ZNF827: variants seen among roughly 807,000 people sequenced by gnomAD.
The protein encoded by ZNF827 is zinc finger protein 827.
In ZNF827, 13 loss-of-function variants were observed where a neutral mutation model predicts 102.4. The observed-to-expected ratio is 0.13, with a 90% confidence interval of 0.08 to 0.20. ZNF827 has a LOEUF of 0.20. ZNF827 is among the 10% of genes least tolerant of loss of function. The pLI, the probability that ZNF827 is intolerant of heterozygous loss-of-function variation, is 1.00. For missense variants in ZNF827, 1,103 were observed against 1,344.4 expected (o/e 0.82, Z 2.81); for synonymous variants, 523 against 536.2 (o/e 0.98, Z 0.34).
chr4:145,875,778 C>T (rs1283491043), intron 4 of ZNF827, among the ~76,000 whole-genome samples: 1 of 152,142 alleles, frequency 6.6e-6, no homozygotes, highest in Non-Finnish European at 1.5e-5. Context: ...TCACCCTAAA[C>T]CAAGGCCAAA....
intron 1 of ZNF827, among the ~76,000 whole-genome samples, chr4:145,918,698 C>T (rs1361348290): frequency 6.6e-6 from 1 of 152,138 alleles, no homozygotes; most frequent in African/African-American, 2.4e-5. Context: ...CAAGGTTGGG[C>T]TCTATGGACC....
intron 5 of ZNF827, among the ~76,000 whole-genome samples, chr4:145,858,176 C>T (rs1747355453): frequency 6.7e-6 from 1 of 149,342 alleles, no homozygotes. Flanking sequence ...TGTGTGTGCA[C>T]ATGTGGCTTC....
At chr4:145,779,222 C>T in intron 9 of ZNF827, 152 bp downstream of exon 9, 2 of 1,042,176 alleles carry the variant, frequency 1.9e-6, no homozygotes, top group Non-Finnish European at 1.3e-6. Flanking sequence ...TTTCCAAGGT[C>T]TTCTTTAAAC....
chr4:145,880,755 G>T (rs139062953), intron 4 of ZNF827, among the ~76,000 whole-genome samples: 4 of 152,112 alleles, frequency 2.6e-5, no homozygotes, highest in East Asian at 1.9e-4. Context: ...GCAAGGCAGG[G>T]TTAAAAGGAA....
intron 7 of ZNF827, among the ~76,000 whole-genome samples, chr4:145,844,656 G>A (rs1055371843): frequency 6.1e-5 from 9 of 148,078 alleles, no homozygotes; most frequent in African/African-American, 2.2e-4. Context: ...CTCCAGCCTG[G>A]GAAACAGAGT....
intron 8 of ZNF827, among the ~76,000 whole-genome samples, chr4:145,781,171 G>A (rs1268886981): frequency 2.7e-5 from 3 of 113,094 alleles, no homozygotes; most frequent in African/African-American, 3.5e-5. Flanking sequence ...ACTCCAGCCC[G>A]GGCAACAGAA....
intron 1 of ZNF827, among the ~76,000 whole-genome samples, chr4:145,919,099 G>C (rs914407537): frequency 6.6e-5 from 10 of 151,970 alleles, no homozygotes; most frequent in African/African-American, 2.4e-4. Flanking sequence ...TCTACAAAAA[G>C]TTTAAAAATT....
intron 5 of ZNF827, among the ~76,000 whole-genome samples, chr4:145,863,326 G>A (rs1747899246): frequency 1.3e-5 from 2 of 152,196 alleles, no homozygotes; most frequent in Non-Finnish European, 2.9e-5. Flanking sequence ...AGCTACTTTG[G>A]AAAACCACTT....
At chr4:145,767,467 A>C (rs1379115461) in intron 11 of ZNF827, among the ~76,000 whole-genome samples, 1 of 152,126 alleles carries the variant, frequency 6.6e-6, no homozygotes. Context: ...AATGGCCAAA[A>C]ATTTTCCAAA....
intron 2 of ZNF827, among the ~76,000 whole-genome samples, chr4:145,897,515 T>C (rs1240049251): frequency 6.6e-6 from 1 of 152,198 alleles, no homozygotes; most frequent in Non-Finnish European, 1.5e-5. Context: ...CCGGTACACA[T>C]CTGTGTAGGA....
At chr4:145,856,716 CA>C (rs1170979817) in intron 5 of ZNF827, among the ~76,000 whole-genome samples, 8 of 133,982 alleles carry the variant, frequency 6.0e-5, no homozygotes, top group African/African-American at 1.1e-4. Context: ...CACACACACA[CA>C]CACACACCCC....
In ZNF827 at chr4:145,856,715, ACACACACACC is replaced by A. The variant is rs1410751648; in HGVS notation, c.1982-7164_1982-7155del. On this transcript the variant is annotated intron_variant, in intron 5 of 14. Coordinates refer to ENST00000508784, the MANE Select transcript of ZNF827 (RefSeq NM_001306215.2). ...CACACACACACACACACACACACAC[ACACACACACC>A]CCATTTCACTCAGAATAGTGCAGGG... Among the ~76,000 whole-genome samples the A allele has an allele frequency of 2.4e-5, 3 of 122,468 alleles. No homozygotes were observed. The East Asian group carries it at 1.4e-3, about 59-fold the overall frequency. 80.3% of individuals were successfully genotyped at this position (122,468 alleles called of 152,430 possible). A position where few individuals can be genotyped will look rare whatever the true frequency, so the allele number is the denominator to read the frequency against.
chr4:145,821,770 A>G (rs1280121403), intron 8 of ZNF827, among the ~76,000 whole-genome samples: 3 of 152,156 alleles, frequency 2.0e-5, no homozygotes, highest in Non-Finnish European at 4.4e-5. Flanking sequence ...TCTAATGTCT[A>G]ACGTAAGTTT....
rs1360384797 is a variant in ZNF827 at position 145,902,302 on chromosome 4, A to C, written c.957T>G (p.Pro319=). ...TGACTTTTTCTGGTTTCTTCTCTGA[A>C]GGCGGGGGCGGTAGAGGGTCCTCAG... The part of the protein sequence containing the change: ...LLPEDPLPPP[P]SEKKPEKVTP... The change falls in exon 2 of 15, where the codon CCT becomes CCG. Residue 319 remains proline (P), a synonymous_variant. Transcript: ENST00000508784. This position sits in a 1 kb window ranked among gnomAD's most constrained non-coding sequence, Gnocchi z 4.3. The C allele has an allele frequency of 2.5e-6, 4 of 1,595,534 alleles. No individual in the cohort carries two copies. Among genetic ancestry groups the C allele is most frequent in the Non-Finnish European group, 2.6e-6 (3 of 1,172,084 alleles).
intron 7 of ZNF827, among the ~76,000 whole-genome samples, chr4:145,845,108 C>G (rs1347447419): frequency 6.6e-6 from 1 of 152,182 alleles, no homozygotes; most frequent in Non-Finnish European, 1.5e-5. Flanking sequence ...AAGCTCATAT[C>G]TTGGGCTAAC....
intron 1 of ZNF827, among the ~76,000 whole-genome samples, chr4:145,910,034 A>G (rs909867173): frequency 2.6e-5 from 4 of 152,204 alleles, no homozygotes; most frequent in Admixed American, 2.6e-4. Context: ...TAAAACTGCC[A>G]GGGTGCAGAA....
intron 5 of ZNF827, among the ~76,000 whole-genome samples, chr4:145,849,946 G>A (rs933592886): frequency 5.9e-5 from 9 of 152,020 alleles, no homozygotes; most frequent in Non-Finnish European, 1.3e-4. Context: ...TCTTGCTTTA[G>A]AACTTATTCA....
At chr4:145,807,046 G>GT (rs1429349108) in intron 8 of ZNF827, among the ~76,000 whole-genome samples, 6 of 152,158 alleles carry the variant, frequency 3.9e-5, no homozygotes, top group African/African-American at 1.4e-4. Flanking sequence ...GATCATAGTC[G>GT]TATTTCATAC....
rs1022072489 is a variant in ZNF827 at position 145,927,890 on chromosome 4, C to T, written c.43+10475G>A. On this transcript the variant is annotated intron_variant, in intron 1 of 14. Coordinates refer to ENST00000508784, the MANE Select transcript of ZNF827 (RefSeq NM_001306215.2). ...ACAAACAGAAGGTTTGAGTAATGTA[C>T]TGTTTTCCGTTTTACATGATGGAGC... is the stretch of plus-strand genomic sequence containing the variant. 2.0e-5 allele frequency among the ~76,000 whole-genome samples: 3 copies of T among 152,308 alleles called. No homozygotes were observed. In the South Asian group the frequency reaches 6.2e-4, roughly 32 times the overall value.
Sources: allele counts gnomAD v4.1 joint callset (sites outside exome capture counted in the v4.1 genomes callset), GRCh38; gene constraint gnomAD v4.1.1; non-coding constraint Gnocchi (gnomAD v3.1); transcripts MANE v1.5; gene names NCBI Gene and HGNC (gene_info 2026-07-23, HGNC 2026-07-21).